The following LCLAT1 variants were observed in gnomAD, a reference collection of about 807,000 sequenced individuals.
The protein encoded by LCLAT1 is lysocardiolipin acyltransferase 1.
In LCLAT1, 11 loss-of-function variants were observed where a neutral mutation model predicts 30.7. The observed-to-expected ratio is 0.36, with a 90% CI of 0.23 to 0.59. The LOEUF (loss-of-function observed/expected upper bound fraction) is 0.59. LCLAT1 is among the 20% of genes least tolerant of loss of function. The probability of loss-of-function intolerance (pLI) is 0.77; values close to 1 mark genes in which losing one functional copy is unlikely to be tolerated. For missense variants in LCLAT1, 402 were observed against 458.6 expected, an observed-to-expected ratio of 0.88 and a Z score of 1.13; for synonymous variants, 155 against 151.3, an observed-to-expected ratio of 1.02 and a Z score of -0.18.
rs990646424 is a variant in LCLAT1, at chr2:30,488,715, A to C, written c.-4-36872A>C. Reference sequence around the variant, plus strand: ...TTGATTTAGACCCCTTTCCCTAGACACTGAGAATTGTAGAGCTAGAGAGGG... The same window carrying C: ...TTGATTTAGACCCCTTTCCCTAGACCCTGAGAATTGTAGAGCTAGAGAGGG... On this transcript the variant is annotated intron_variant, in intron 1 of 5. Coordinates refer to ENST00000379509, the MANE Select transcript of LCLAT1 (RefSeq NM_001002257.3). Among the ~76,000 whole-genome samples, 5 of 152,286 alleles carry C rather than the reference A, an allele frequency of 3.3e-5. No individual in the cohort carries two copies. The East Asian group carries it at 7.7e-4, about 24-fold the overall frequency.
chr2:30,570,557 C>G (rs1665735235), intron 5 of LCLAT1, among the ~76,000 whole-genome samples: 1 of 152,034 alleles, frequency 6.6e-6, no homozygotes, highest in Admixed American at 6.6e-5. Flanking sequence ...GGTAAAGAAC[C>G]TCATCAAAAT....
intron 1 of LCLAT1, among the ~76,000 whole-genome samples, chr2:30,500,067 G>T (rs539162131): frequency 6.6e-6 from 1 of 152,260 alleles, no homozygotes; most frequent in South Asian, 2.1e-4. Context: ...TTGAGAATAA[G>T]TGAAAGAAAA....
intron 1 of LCLAT1, among the ~76,000 whole-genome samples, chr2:30,491,850 C>G (rs933018160): frequency 6.6e-6 from 1 of 151,808 alleles, no homozygotes; most frequent in African/African-American, 2.4e-5. Flanking sequence ...AAATAATAAC[C>G]AATAAACTGA....
chr2:30,511,881 A>G (rs1416425058), intron 1 of LCLAT1, among the ~76,000 whole-genome samples: 1 of 152,140 alleles, frequency 6.6e-6, no homozygotes. Context: ...AATCCTCTTT[A>G]TTTTGGCAAA....
At chr2:30,561,330 T>C (rs1186427054) in intron 3 of LCLAT1, among the ~76,000 whole-genome samples, 4 of 152,182 alleles carry the variant, frequency 2.6e-5, no homozygotes, top group Non-Finnish European at 5.9e-5. Context: ...CTGGTTTCTC[T>C]GTGGTCCTAG....
chr2:30,574,861 A>G (rs1335553201), intron 5 of LCLAT1, among the ~76,000 whole-genome samples: 1 of 152,236 alleles, frequency 6.6e-6, no homozygotes, highest in Non-Finnish European at 1.5e-5. Flanking sequence ...CTGAGATTTC[A>G]CACATGAATG....
chr2:30,635,579 T>TA (rs573496976), intron 5 of LCLAT1, among the ~76,000 whole-genome samples: 2 of 152,182 alleles, frequency 1.3e-5, no homozygotes, highest in Non-Finnish European at 2.9e-5. Context: ...CAAGCAATTT[T>TA]AAAAAAACTT....
chr2:30,501,514 C>CA (rs577946366), intron 1 of LCLAT1, among the ~76,000 whole-genome samples: 49 of 145,312 alleles, frequency 3.4e-4, no homozygotes, highest in East Asian at 1.2e-3. Flanking sequence ...TCAAAAAATA[C>CA]AAAAAAAAAA....
chr2:30,468,236 G>T (rs981152754), intron 1 of LCLAT1, among the ~76,000 whole-genome samples: 7 of 152,174 alleles, frequency 4.6e-5, no homozygotes, highest in Admixed American at 3.9e-4. Flanking sequence ...TGTTAGGTTT[G>T]TCAAAGATCA....
rs13404307 is a variant in LCLAT1 at position 30,447,348 on chromosome 2, C to G, written c.-40C>G. The G allele has an allele frequency of 1.3e-5, 2 of 152,164 alleles. No homozygotes were observed. The highest frequency in any genetic ancestry group is 4.2e-4 in the South Asian group (2 of 4,798). The allele number at this position is 152,164 out of a possible 1,614,324, so 9.4% of individuals were successfully genotyped here. A position where few individuals can be genotyped will look rare whatever the true frequency, so the allele number is the denominator to read the frequency against. ...GGAGCCCCAGCTTGCCCACGCACCC[C>G]ACTCGGCGTCGCGCGGCGTGCCCTG... On this transcript the variant is annotated 5_prime_UTR_variant, in exon 1 of 6. Transcript: ENST00000379509.
chr2:30,481,003 C>T (rs916821231), intron 1 of LCLAT1, among the ~76,000 whole-genome samples: 2 of 152,150 alleles, frequency 1.3e-5, no homozygotes, highest in African/African-American at 4.8e-5. Context: ...AAGTAGTGGT[C>T]AGCCTTAGAG....
At chr2:30,454,451 T>A (rs1345057868) in intron 1 of LCLAT1, among the ~76,000 whole-genome samples, 1 of 152,104 alleles carries the variant, frequency 6.6e-6, no homozygotes, top group East Asian at 1.9e-4. Context: ...TTTTATTTTT[T>A]ATTTTTATTT....
chr2:30,496,230 C>T (rs1036659524), intron 1 of LCLAT1, among the ~76,000 whole-genome samples: 1 of 152,220 alleles, frequency 6.6e-6, no homozygotes. Context: ...CCAGGCCCCT[C>T]TTCCAACATT....
At chr2:30,494,538 A>G (rs1363324191) in intron 1 of LCLAT1, among the ~76,000 whole-genome samples, 1 of 127,902 alleles carries the variant, frequency 7.8e-6, no homozygotes, top group Non-Finnish European at 1.7e-5. Flanking sequence ...TTGCATACAT[A>G]CATGCATACA....
At chr2:30,548,394 A>G (rs749140498) in intron 3 of LCLAT1, among the ~76,000 whole-genome samples, 1 of 152,154 alleles carries the variant, frequency 6.6e-6, no homozygotes, top group Non-Finnish European at 1.5e-5. Context: ...TAAGAAATAC[A>G]TTGGTTTGGT....
chr2:30,545,818 C>A (rs538254863), intron 3 of LCLAT1, among the ~76,000 whole-genome samples: 1 of 152,084 alleles, frequency 6.6e-6, no homozygotes, highest in South Asian at 2.1e-4. Context: ...GCCAACTGTA[C>A]GTACCCAACT....
At chr2:30,483,914 A>T (rs755733616) in intron 1 of LCLAT1, among the ~76,000 whole-genome samples, 5 of 152,118 alleles carry the variant, frequency 3.3e-5, no homozygotes, top group Non-Finnish European at 7.4e-5. Flanking sequence ...TAGTTCAGTG[A>T]TTTGGGGCAT....
chr2:30,578,998 A>G (rs1320661010), intron 5 of LCLAT1, among the ~76,000 whole-genome samples: 4 of 152,170 alleles, frequency 2.6e-5, no homozygotes, highest in Admixed American at 1.3e-4. Flanking sequence ...TGTTGGTTCC[A>G]TTATTCATTC....
intron 3 of LCLAT1, among the ~76,000 whole-genome samples, chr2:30,533,629 G>A (rs545500085): frequency 2.0e-5 from 3 of 152,084 alleles, no homozygotes; most frequent in Admixed American, 6.5e-5. Flanking sequence ...TTGTGATTTC[G>A]GCCAGAAACT....
Sources: gnomAD v4.1 joint callset for allele counts (sites outside exome capture counted in the v4.1 genomes callset) on GRCh38, gnomAD v4.1.1 for gene constraint, MANE v1.5 for transcripts, NCBI Gene and HGNC (gene_info 2026-07-23, HGNC 2026-07-21) for gene names.